PRCC: variants seen among roughly 807,000 people sequenced by gnomAD.
PRCC encodes proline rich mitotic checkpoint control factor.
PRCC carries 10 observed loss-of-function variants against 44.0 expected under a neutral mutation model. That is an observed-to-expected ratio of 0.23 (90% CI 0.14 to 0.39). The LOEUF (loss-of-function observed/expected upper bound fraction) is 0.39, where lower values mean the gene tolerates loss of function less well. Ranked by LOEUF, PRCC falls within the 10% of genes least tolerant of loss-of-function variation. The probability of loss-of-function intolerance (pLI) is 1.00; values close to 1 mark genes in which losing one functional copy is unlikely to be tolerated. For synonymous variants in PRCC, 278 were observed against 259.5 expected (o/e 1.07, Z -0.69); for missense variants, 573 against 624.7 (o/e 0.92, Z 0.88).
At chr1:156,782,466 G>T in intron 2 of PRCC, 137 bp downstream of exon 2, 2 of 765,572 alleles carry the variant, frequency 2.6e-6, no homozygotes, top group East Asian at 2.8e-5. Context: ...GTTCGGCTTT[G>T]TTTTTCTTTA....
intron 3 of PRCC, among the ~76,000 whole-genome samples, chr1:156,790,578 C>T (rs1406326994): frequency 1.3e-5 from 2 of 152,152 alleles, no homozygotes; most frequent in Non-Finnish European, 1.5e-5. Flanking sequence ...GCCAAGATGG[C>T]GCCATTGCAC....
At chr1:156,783,188 A>C (rs1652108255) in intron 2 of PRCC, among the ~76,000 whole-genome samples, 1 of 152,064 alleles carries the variant, frequency 6.6e-6, no homozygotes, top group Admixed American at 6.5e-5. Flanking sequence ...TACAGGTGTG[A>C]GCCACCGCGC....
chr1:156,800,009 GTCTAAGAGAGCTGATTGTCTTCCTC>G (rs1652784599), intron 6 of PRCC, among the ~76,000 whole-genome samples: 3 of 152,172 alleles, frequency 2.0e-5, no homozygotes, highest in South Asian at 4.1e-4. Flanking sequence ...CCGGCTGGGT[GTCTAAGAGAGCTGATTGTCTTCCTC>G]TCTAAGAGAG....
chr1:156,783,353 A>G (rs1256445956), intron 2 of PRCC, among the ~76,000 whole-genome samples: 1 of 152,216 alleles, frequency 6.6e-6, no homozygotes, highest in African/African-American at 2.4e-5. Context: ...CCTGGCCCCC[A>G]GAAGTTTCTT....
chr1:156,793,972 T>C (rs1220510332), intron 4 of PRCC, among the ~76,000 whole-genome samples: 3 of 115,976 alleles, frequency 2.6e-5, no homozygotes, highest in Non-Finnish European at 5.6e-5. Context: ...TTTTTTTTTT[T>C]TGGAGACAGA....
chr1:156,775,895 T>G lies in PRCC; in HGVS notation c.469-6387T>G, dbSNP rs534788509. ...CTCCTGGGCTCAAGCAGTCCTCCCA[T>G]CTGGGCCTCCCCAAATGCTGGGATT... On this transcript the variant is annotated intron_variant, in intron 1 of 6. Transcript: ENST00000271526. Among the ~76,000 whole-genome samples, 412 of 152,332 alleles carry G rather than the reference T, an allele frequency of 2.7e-3. 2 individuals are homozygous for G. Among genetic ancestry groups the G allele is most frequent in the African/African-American group, 9.5e-3 (394 of 41,570 alleles).
At chr1:156,768,337 A>T in intron 1 of PRCC, 98 bp downstream of exon 1, 1 of 1,265,374 alleles carries the variant, frequency 7.9e-7, no homozygotes, top group Non-Finnish European at 1.1e-6. Flanking sequence ...CTACAAACGC[A>T]TCCGTGGATT....
chr1:156,782,151 G>A, intron 1 of PRCC, 131 bp from the exon 2 acceptor site: 1 of 686,888 alleles, frequency 1.5e-6, no homozygotes, highest in South Asian at 2.3e-5. Context: ...TGGGGTGAGT[G>A]TACCTCTGTA....
Position 156,800,584 on chromosome 1 carries a change from C to A in PRCC, c.*124C>A. The A allele has an allele frequency of 3.3e-6, 3 of 920,332 alleles. No homozygotes were observed. The highest frequency in any genetic ancestry group is 1.4e-5 in the South Asian group (1 of 69,160). 57.0% of individuals were successfully genotyped at this position (920,332 alleles called of 1,614,324 possible). ...CTTTCCCCAAGGACCCAGCCCTCGC[C>A]TCTGCGAGAATGAACATATTTGATA... On this transcript the variant is annotated 3_prime_UTR_variant, in exon 7 of 7. Transcript: ENST00000271526.
intron 1 of PRCC, among the ~76,000 whole-genome samples, chr1:156,775,063 AC>A (rs1265831103): frequency 6.6e-6 from 1 of 151,918 alleles, no homozygotes; most frequent in Non-Finnish European, 1.5e-5. Flanking sequence ...CCTGGCTAAC[AC>A]GGTGAAACCC....
intron 1 of PRCC, 114 bp downstream of exon 1, chr1:156,768,353 C>T (rs900703674): frequency 9.2e-7 from 1 of 1,083,094 alleles, no homozygotes; most frequent in African/African-American, 1.6e-5. Flanking sequence ...GGATTCAAGG[C>T]CACTGGAATC....
rs770368160 is a variant in PRCC, at chr1:156,767,899, C to T, written c.128C>T (p.Pro43Leu). The T allele has an allele frequency of 1.2e-6, 2 of 1,603,646 alleles. No individual in the cohort carries two copies. Among genetic ancestry groups the T allele is most frequent in the Non-Finnish European group, 1.7e-6 (2 of 1,175,956 alleles). Residue 43 changes from proline (P) to leucine (L), a missense_variant, in exon 1 of 7, where the codon CCT becomes CTT. Physicochemically the swap from Pro to Leu is moderately conservative, Grantham distance 98. This residue lies in a region of PRCC where 245 missense variants were observed against 188.5 expected (regional missense o/e 1.30). Coordinates refer to ENST00000271526, the MANE Select transcript of PRCC (RefSeq NM_005973.5). Reference protein sequence around the residue: ...PALGGLFASLPAPKGPALLPP... With the variant: ...PALGGLFASLLAPKGPALLPP... ...TTAGGGGGCTTGTTCGCTTCTCTCC[C>T]TGCGCCCAAGGGTCCGGCCTTGCTG...
chr1:156,794,727 A>T lies in PRCC; in HGVS notation c.1242A>T (p.Lys414Asn). Residue 414 changes from lysine (K) to asparagine (N), a missense_variant, in exon 5 of 7, where the codon AAA (lysine) becomes AAT (asparagine). Transcript: ENST00000271526. ...GREEINFVEI[K>N]GDDQLSGAQQ... ...AAGAAATCAACTTTGTGGAGATCAA[A>T]GGTGATGACCAGCTCAGTGGGGCCC... is the stretch of plus-strand genomic sequence containing the variant. 6.2e-7 allele frequency: 1 copy of T among 1,614,100 alleles called. No homozygotes were observed. Among genetic ancestry groups the T allele is most frequent in the Non-Finnish European group, 8.5e-7 (1 of 1,179,996 alleles).
In PRCC at chr1:156,786,766, G is replaced by C. The variant is rs767407818; in HGVS notation, c.675G>C (p.Lys225Asn). Residue 225 changes from lysine (K) to asparagine (N), a missense_variant, in exon 3 of 7, where the codon AAG becomes AAC. Lys to Asn is a moderately conservative substitution (Grantham distance 94, BLOSUM62 0). This residue lies in a region of PRCC where 118 missense variants were observed against 166.7 expected (regional missense o/e 0.71). Coordinates refer to ENST00000271526, the MANE Select transcript of PRCC (RefSeq NM_005973.5). ...CCTCCAGACTGGCTTCTAAGACCAAGACTTCCTCTCTTGCCCCTGTTGTGG... is the reference window on the plus strand; with the variant it reads ...CCTCCAGACTGGCTTCTAAGACCAACACTTCCTCTCTTGCCCCTGTTGTGG... The part of the protein sequence containing the change: ...TKPSRLASKT[K>N]TSSLAPVVGT... 6.8e-6 allele frequency: 11 copies of C among 1,614,154 alleles called. No individual in the cohort carries two copies. Among genetic ancestry groups the C allele is most frequent in the Non-Finnish European group, 9.3e-6 (11 of 1,180,034 alleles).
At chr1:156,790,959 G>T in intron 3 of PRCC, 1 of 548,908 alleles carries the variant, frequency 1.8e-6, no homozygotes, top group Non-Finnish European at 3.4e-6. Context: ...CGAAGTGGAA[G>T]AATTAGGAAA....
intron 4 of PRCC, among the ~76,000 whole-genome samples, chr1:156,794,427 A>G (rs150248631): frequency 6.6e-6 from 1 of 152,274 alleles, no homozygotes; most frequent in African/African-American, 2.4e-5. Flanking sequence ...GCTCTCATTC[A>G]TGTTTGGAGA....
chr1:156,783,211 A>G (rs567337798), intron 2 of PRCC, among the ~76,000 whole-genome samples: 149 of 152,142 alleles, frequency 9.8e-4, no homozygotes, highest in African/African-American at 3.5e-3. Context: ...GGCCAGTCTG[A>G]CTGTTGAGTC....
At chr1:156,795,213 TC>T (rs1344183712) in intron 5 of PRCC, among the ~76,000 whole-genome samples, 1 of 151,508 alleles carries the variant, frequency 6.6e-6, no homozygotes, top group African/African-American at 2.4e-5. Context: ...ACTATCTTCT[TC>T]CTTTCCTTCC....
chr1:156,795,648 C>T (rs938728675), intron 5 of PRCC, among the ~76,000 whole-genome samples: 3 of 152,310 alleles, frequency 2.0e-5, no homozygotes, highest in African/African-American at 4.8e-5. Context: ...GTGGGCACAA[C>T]AGCACCTCAG....
Sources: allele counts gnomAD v4.1 joint callset (sites outside exome capture counted in the v4.1 genomes callset), GRCh38; gene constraint gnomAD v4.1.1; regional missense constraint gnomAD v4.1.1; transcripts MANE v1.5; gene names NCBI Gene and HGNC (gene_info 2026-07-23, HGNC 2026-07-21).